Variants in CEP112 observed in about 807,000 individuals in gnomAD.
CEP112 encodes the protein centrosomal protein 112, also known as centrosomal protein of 112 kDa.
In CEP112, 127 loss-of-function variants were observed where a neutral mutation model predicts 153.0. The ratio of observed to expected loss-of-function variants is 0.83; its 90% CI spans 0.72 to 0.96. CEP112 has a LOEUF of 0.96. Ranked by LOEUF, CEP112 falls within the 40% of genes least tolerant of loss-of-function variation. The pLI, the probability that CEP112 is intolerant of heterozygous loss-of-function variation, is 0.00. For synonymous variants in CEP112, 358 were observed against 374.4 expected, an observed-to-expected ratio of 0.96 and a Z score of 0.51; for missense variants, 1,089 against 1,101.2, an observed-to-expected ratio of 0.99 and a Z score of 0.16.
intron 17 of CEP112, among the ~76,000 whole-genome samples, chr17:65,972,637 G>A (rs4622545): frequency 0.48 from 72,731 of 151,656 alleles, 18,376 homozygotes; most frequent in East Asian, 0.89. Context: ...CTCTAGCTAG[G>A]CTGGTCAGAA....
chr17:65,689,298 A>G (rs573957241), intron 23 of CEP112, 80 bp from the exon 24 acceptor site: 2 of 964,386 alleles, frequency 2.1e-6, no homozygotes, highest in African/African-American at 3.3e-5. Context: ...CTGGCACTAA[A>G]AAGGCCTCAG....
rs566799366 is a variant in CEP112, at chr17:66,121,269, T to C, written c.642+8477A>G. 5.8e-5 allele frequency among the ~76,000 whole-genome samples: 8 copies of C among 138,506 alleles called. No individual in the cohort carries two copies. The East Asian group carries it at 1.2e-3, about 20-fold the overall frequency. 90.9% of individuals were successfully genotyped at this position (138,506 alleles called of 152,430 possible). A position where few individuals can be genotyped will look rare whatever the true frequency, so the allele number is the denominator to read the frequency against. On this transcript the variant is annotated intron_variant, in intron 6 of 26. Transcript: ENST00000535342. ...CTAGCCTGGGCAACATGAGCGACAC[T>C]TCGTCTCAAAAAAAAAAAAAAGATT...
intron 11 of CEP112, among the ~76,000 whole-genome samples, chr17:66,055,518 T>C (rs1362231893): frequency 6.6e-6 from 1 of 152,156 alleles, no homozygotes; most frequent in Non-Finnish European, 1.5e-5. Context: ...ACTCAGATAA[T>C]GGGCTCTAAA....
intron 20 of CEP112, among the ~76,000 whole-genome samples, chr17:65,894,031 G>A (rs1020091297): frequency 7.9e-5 from 12 of 152,070 alleles, no homozygotes; most frequent in South Asian, 2.1e-4. Flanking sequence ...TTACAGAACC[G>A]ATTGAGTCAG....
At chr17:66,168,010 T>C (rs1030758190) in intron 4 of CEP112, among the ~76,000 whole-genome samples, 1 of 152,234 alleles carries the variant, frequency 6.6e-6, no homozygotes, top group South Asian at 2.1e-4. Flanking sequence ...TTTTTATGTT[T>C]AAATGTATAT....
At chr17:65,674,432 T>C (rs1031715254) in intron 24 of CEP112, among the ~76,000 whole-genome samples, 1 of 152,206 alleles carries the variant, frequency 6.6e-6, no homozygotes, top group Non-Finnish European at 1.5e-5. Context: ...CCTTTGCCAA[T>C]TCTAGAGTGG....
chr17:65,730,089 A>C (rs2078830899), intron 23 of CEP112, among the ~76,000 whole-genome samples: 1 of 152,230 alleles, frequency 6.6e-6, no homozygotes, highest in African/African-American at 2.4e-5. Context: ...TCGCTCATCA[A>C]ACCTTAATTG....
Position 65,702,774 on chromosome 17 carries a change from T to C in CEP112, c.2608-13556A>G, listed in dbSNP as rs1238722010. Among the ~76,000 whole-genome samples, 2 of 151,998 alleles carry C rather than the reference T, an allele frequency of 1.3e-5. 1 individual carries two copies. Among genetic ancestry groups the C allele is most frequent in the Admixed American group, 1.3e-4 (2 of 15,250 alleles). On this transcript the variant is annotated intron_variant, in intron 23 of 26. Coordinates refer to ENST00000535342, the MANE Select transcript of CEP112 (RefSeq NM_001199165.4). ...CCTCATAATCATGGCGGAAGGTGAA[T>C]GAGGAGCAAAGGCACGTCTTACATG...
intron 20 of CEP112, among the ~76,000 whole-genome samples, chr17:65,857,853 C>G (rs1213763815): frequency 6.6e-6 from 1 of 152,116 alleles, no homozygotes; most frequent in African/African-American, 2.4e-5. Flanking sequence ...GTGGAACTGG[C>G]CAGTAGGGCC....
At chr17:65,818,329 G>A (rs775275822) in intron 21 of CEP112, among the ~76,000 whole-genome samples, 1 of 151,756 alleles carries the variant, frequency 6.6e-6, no homozygotes, top group Non-Finnish European at 1.5e-5. Context: ...CAAAGCCCTC[G>A]TTGCAGAACA....
intron 21 of CEP112, among the ~76,000 whole-genome samples, chr17:65,809,215 C>A (rs1168655420): frequency 6.6e-6 from 1 of 152,114 alleles, no homozygotes; most frequent in Admixed American, 6.6e-5. Flanking sequence ...GAAATACTTA[C>A]AAAAGGCAGG....
chr17:65,718,518 C>T (rs959882740), intron 23 of CEP112, among the ~76,000 whole-genome samples: 14 of 152,106 alleles, frequency 9.2e-5, no homozygotes, highest in African/African-American at 3.1e-4. Flanking sequence ...TTTTCATGAG[C>T]CCCTTAATTT....
chr17:65,992,348 G>A (rs1355926303), intron 17 of CEP112, among the ~76,000 whole-genome samples: 4 of 152,168 alleles, frequency 2.6e-5, no homozygotes, highest in Admixed American at 2.6e-4. Flanking sequence ...AACTTTAGGG[G>A]TAAATAATGT....
At chr17:65,721,762 T>C (rs1567915571) in intron 23 of CEP112, among the ~76,000 whole-genome samples, 1 of 152,180 alleles carries the variant, frequency 6.6e-6, no homozygotes, top group Non-Finnish European at 1.5e-5. Flanking sequence ...TTAGTTAGTG[T>C]TTAAAAAGAT....
At chr17:65,961,323 T>G (rs1434790415) in intron 18 of CEP112, 140 bp downstream of exon 18, 6 of 756,648 alleles carry the variant, frequency 7.9e-6, no homozygotes, top group Non-Finnish European at 1.3e-5. Context: ...TTTCTCATTC[T>G]GAATCTCTGA....
chr17:66,013,421 C>G (rs964307852), intron 16 of CEP112, among the ~76,000 whole-genome samples: 3 of 152,076 alleles, frequency 2.0e-5, no homozygotes, highest in Non-Finnish European at 4.4e-5. Context: ...GCTTTTATCT[C>G]CATTGATGTC....
chr17:65,942,940 C>G (rs1456090138), intron 18 of CEP112, among the ~76,000 whole-genome samples: 5 of 152,010 alleles, frequency 3.3e-5, no homozygotes, highest in African/African-American at 1.2e-4. Context: ...GTACACAATT[C>G]AAAATATATT....
At chr17:65,657,011 G>T (rs2046095646) in intron 24 of CEP112, among the ~76,000 whole-genome samples, 1 of 152,168 alleles carries the variant, frequency 6.6e-6, no homozygotes, top group African/African-American at 2.4e-5. Flanking sequence ...TAATAAGTAG[G>T]CTGGCTTCAA....
chr17:66,000,924 C>T (rs145945718), intron 17 of CEP112, among the ~76,000 whole-genome samples: 99 of 152,318 alleles, frequency 6.5e-4, no homozygotes, highest in African/African-American at 2.0e-3. Flanking sequence ...GATCGTCCTG[C>T]GCTGTGATGC....
Sources: allele counts gnomAD v4.1 joint callset (sites outside exome capture counted in the v4.1 genomes callset), GRCh38; gene constraint gnomAD v4.1.1; transcripts MANE v1.5; gene names NCBI Gene and HGNC (gene_info 2026-07-23, HGNC 2026-07-21).